Variants in WDR49 observed in about 807,000 individuals in gnomAD.
WDR49 encodes WD repeat domain 49, also known as cilia- and flagella-associated protein 337.
Under a neutral mutation model 119.5 loss-of-function variants are expected in WDR49, and 107 were observed. The observed-to-expected ratio is 0.90, with a 90% confidence interval of 0.77 to 1.05. WDR49 has a LOEUF of 1.05. Among genes scored for constraint, WDR49 ranks in the 50% least tolerant of loss-of-function variants. WDR49 has a pLI of 0.00. For synonymous variants in WDR49, 425 were observed against 418.8 expected, an observed-to-expected ratio of 1.01 and a Z score of -0.18; for missense variants, 1,240 against 1,220.5, an observed-to-expected ratio of 1.02 and a Z score of -0.24.
In WDR49 at chr3:167,632,635, A is replaced by T. The variant is rs141777095; in HGVS notation, c.166-5343T>A. Among the ~76,000 whole-genome samples the T allele has an allele frequency of 4.0e-3, 614 of 152,180 alleles. 2 individuals carry two copies. The highest frequency in any genetic ancestry group is 0.014 in the African/African-American group (590 of 41,566). Reference sequence around the variant, plus strand: ...ACGTTATTAATTCTATCATATGCCAACTTGAATAAATTAGTTAAATGTACA... The same window carrying T: ...ACGTTATTAATTCTATCATATGCCATCTTGAATAAATTAGTTAAATGTACA... On this transcript the variant is annotated intron_variant, in intron 2 of 18. Coordinates refer to ENST00000682715, the MANE Select transcript of WDR49 (RefSeq NM_001366157.1).
At chr3:167,652,958 G>A (rs1055407217) in intron 2 of WDR49, among the ~76,000 whole-genome samples, 3 of 152,014 alleles carry the variant, frequency 2.0e-5, no homozygotes, top group Non-Finnish European at 4.4e-5. Flanking sequence ...ATAATTTTTT[G>A]TTTCCCCAAA....
chr3:167,494,580 T>C (rs907686825), intron 18 of WDR49, among the ~76,000 whole-genome samples: 2 of 152,348 alleles, frequency 1.3e-5, no homozygotes, highest in Admixed American at 6.5e-5. Flanking sequence ...GGGCCCTTCC[T>C]AGATGAGCTA....
upstream of WDR49, among the ~76,000 whole-genome samples, chr3:167,655,588 C>A (rs751789221): frequency 5.3e-5 from 8 of 151,628 alleles, no homozygotes; most frequent in South Asian, 2.1e-4. Flanking sequence ...ATTATTCTTT[C>A]AAAAAAAACA....
chr3:167,549,842 CT>C (rs1712445431), intron 10 of WDR49, among the ~76,000 whole-genome samples: 1 of 152,136 alleles, frequency 6.6e-6, no homozygotes, highest in East Asian at 1.9e-4. Flanking sequence ...ACATTTAAGT[CT>C]TTAATCCATC....
chr3:167,549,840 G>A (rs999974952), intron 10 of WDR49, among the ~76,000 whole-genome samples: 2 of 152,176 alleles, frequency 1.3e-5, no homozygotes, highest in African/African-American at 2.4e-5. Context: ...TAACATTTAA[G>A]TCTTTAATCC....
At chr3:167,502,363 A>C (rs1032975175) in intron 17 of WDR49, among the ~76,000 whole-genome samples, 2 of 152,220 alleles carry the variant, frequency 1.3e-5, no homozygotes, top group African/African-American at 4.8e-5. Flanking sequence ...CTGACACAGA[A>C]AATTGGTAAC....
At chr3:167,597,051 A>G (rs1248942083) in intron 7 of WDR49, among the ~76,000 whole-genome samples, 1 of 152,080 alleles carries the variant, frequency 6.6e-6, no homozygotes, top group African/African-American at 2.4e-5. Flanking sequence ...TTAATAGCCA[A>G]GACAATGGGG....
At chr3:167,611,610 GACTGAA>G (rs1166216891) in intron 5 of WDR49, among the ~76,000 whole-genome samples, 1 of 152,038 alleles carries the variant, frequency 6.6e-6, no homozygotes, top group Admixed American at 6.5e-5. Flanking sequence ...GGCACATATA[GACTGAA>G]ACACAGAAGA....
At chr3:167,554,902 A>G in intron 9 of WDR49, 104 bp from the exon 10 acceptor site, 1 of 841,766 alleles carries the variant, frequency 1.2e-6, no homozygotes. Flanking sequence ...AAGAAAATCA[A>G]CTCATCATTG....
rs541966188 is a variant in WDR49 at position 167,505,193 on chromosome 3, C to T, written c.2884+114G>A. 151 of 1,228,272 alleles carry T rather than the reference C, an allele frequency of 1.2e-4. No homozygotes were observed. In the African/African-American group the frequency reaches 2.2e-3, roughly 18 times the overall value. 76.1% of individuals were successfully genotyped at this position (1,228,272 alleles called of 1,614,324 possible). ...GTTAAATGGGGTTCACAGAACATTACATTCATGTTTATTAAGGAATAGGAA... is the reference window on the plus strand; with the variant it reads ...GTTAAATGGGGTTCACAGAACATTATATTCATGTTTATTAAGGAATAGGAA... On this transcript the variant is annotated intron_variant, in intron 17 of 18. Coordinates refer to ENST00000682715, the MANE Select transcript of WDR49 (RefSeq NM_001366157.1).
intron 17 of WDR49, among the ~76,000 whole-genome samples, chr3:167,504,757 T>C (rs1298538261): frequency 6.6e-6 from 1 of 152,108 alleles, no homozygotes; most frequent in Non-Finnish European, 1.5e-5. Flanking sequence ...CATGTTGAAA[T>C]GTAATCCCCA....
chr3:167,576,156 A>G lies in WDR49; in HGVS notation c.1276-5T>C, dbSNP rs1376512721. 6.2e-7 allele frequency: 1 copy of G among 1,609,532 alleles called. No homozygotes were observed. The highest frequency in any genetic ancestry group is 1.3e-5 in the African/African-American group (1 of 74,790). ...AATATCCCAGAGTCTCAAAACCTGG[A>G]TGAAAAGTGATAAAATCATTTCAAT... On this transcript the variant is annotated splice_polypyrimidine_tract_variant and splice_region_variant and intron_variant, in intron 7 of 18. Coordinates refer to ENST00000682715, the MANE Select transcript of WDR49 (RefSeq NM_001366157.1).
At chr3:167,491,793 A>C (rs1751142233) in intron 18 of WDR49, among the ~76,000 whole-genome samples, 1 of 152,190 alleles carries the variant, frequency 6.6e-6, no homozygotes, top group South Asian at 2.1e-4. Context: ...AGGGGTTTCA[A>C]GCTGTTTAAG....
At chr3:167,525,345 T>C (rs1476084847) in intron 15 of WDR49, among the ~76,000 whole-genome samples, 7 of 152,160 alleles carry the variant, frequency 4.6e-5, no homozygotes, top group Non-Finnish European at 1.5e-5. Flanking sequence ...AATCACGTTG[T>C]ATGCAAACAG....
chr3:167,633,385 G>T, intron 2 of WDR49: 1 of 453,284 alleles, frequency 2.2e-6, no homozygotes, highest in South Asian at 1.6e-5. Context: ...TGTCCTAAGT[G>T]AGCCTGGTGA....
chr3:167,501,870 G>C (rs1033708921), intron 17 of WDR49, among the ~76,000 whole-genome samples: 1 of 152,082 alleles, frequency 6.6e-6, no homozygotes, highest in African/African-American at 2.4e-5. Context: ...AAATACTTAA[G>C]GGAAAGAATA....
At chr3:167,523,568 C>T (rs1752530391) in intron 15 of WDR49, among the ~76,000 whole-genome samples, 1 of 152,024 alleles carries the variant, frequency 6.6e-6, no homozygotes, top group Non-Finnish European at 1.5e-5. Context: ...CGCAACAGTC[C>T]CCGGTGAGTG....
intron 18 of WDR49, among the ~76,000 whole-genome samples, chr3:167,497,576 A>T (rs1751403328): frequency 6.6e-6 from 1 of 152,194 alleles, no homozygotes; most frequent in African/African-American, 2.4e-5. Flanking sequence ...CACAGATTAT[A>T]TAAAAGATTC....
In WDR49 at chr3:167,536,882, T is replaced by A. The variant is rs1268756452; in HGVS notation, c.1942A>T (p.Thr648Ser). 6 of 1,511,624 alleles carry A rather than the reference T, an allele frequency of 4.0e-6. No homozygotes were observed. The highest frequency in any genetic ancestry group is 1.4e-5 in the African/African-American group (1 of 70,676). 93.6% of individuals were successfully genotyped at this position (1,511,624 alleles called of 1,614,324 possible). Residue 648 changes from threonine (T) to serine (S), a missense_variant, in exon 11 of 19, where the codon ACT (threonine) becomes TCT (serine). Coordinates refer to ENST00000682715, the MANE Select transcript of WDR49 (RefSeq NM_001366157.1). ...ILCAAFLPPQ[T>S]LVTGSYDGEI... ...AAGTTCAATTTACCCGTAACAAGAGTTTGTGGAGGTAAAAACGCAGCACAC... is the reference window on the plus strand; with the variant it reads ...AAGTTCAATTTACCCGTAACAAGAGATTGTGGAGGTAAAAACGCAGCACAC...
Sources: gnomAD v4.1 joint callset for allele counts (sites outside exome capture counted in the v4.1 genomes callset) on GRCh38, gnomAD v4.1.1 for gene constraint, MANE v1.5 for transcripts, NCBI Gene and HGNC (gene_info 2026-07-23, HGNC 2026-07-21) for gene names.